PRKCA: variants seen among roughly 807,000 people sequenced by gnomAD.
The protein encoded by PRKCA is protein kinase C alpha.
A neutral mutation model predicts 87.0 loss-of-function variants in PRKCA; 27 were observed. The ratio of observed to expected loss-of-function variants is 0.31; its 90% CI spans 0.23 to 0.43. PRKCA has a LOEUF of 0.43. Among genes scored for constraint, PRKCA ranks in the 20% least tolerant of loss-of-function variants. PRKCA has a pLI of 1.00. For missense variants in PRKCA, 518 were observed against 852.3 expected (o/e 0.61, Z 4.88); for synonymous variants, 329 against 311.1 (o/e 1.06, Z -0.61).
At chr17:66,318,594 C>T (rs894289791) in intron 2 of PRKCA, among the ~76,000 whole-genome samples, 18 of 152,226 alleles carry the variant, frequency 1.2e-4, no homozygotes, top group Non-Finnish European at 2.5e-4. Context: ...GTGGCTCACG[C>T]CTATAATCCC....
chr17:66,499,635 T>C (rs975034712), intron 3 of PRKCA, among the ~76,000 whole-genome samples: 1 of 152,210 alleles, frequency 6.6e-6, no homozygotes, highest in African/African-American at 2.4e-5. Flanking sequence ...AGAAAAGATA[T>C]GCTTGGTGCG....
chr17:66,494,099 C>G lies in PRKCA; in HGVS notation c.206-2102C>G, dbSNP rs117614001. On this transcript the variant is annotated intron_variant, in intron 2 of 16. Coordinates refer to ENST00000413366, the MANE Select transcript of PRKCA (RefSeq NM_002737.3). ...CTGGGCTCCTCTTGGGATTTCAGCT[C>G]TGAGCCATCCTGCCACCCTCTTCCA... Among the ~76,000 whole-genome samples the G allele has an allele frequency of 6.3e-4, 96 of 152,316 alleles. No homozygotes were observed. The East Asian group carries it at 0.012, about 20-fold the overall frequency.
chr17:66,533,239 C>T (rs1400965331), intron 3 of PRKCA, among the ~76,000 whole-genome samples: 2 of 152,154 alleles, frequency 1.3e-5, no homozygotes, highest in African/African-American at 4.8e-5. Flanking sequence ...ACTTTTTTCC[C>T]ATCACGTCTT....
chr17:66,651,611 C>T (rs12452328), intron 5 of PRKCA, among the ~76,000 whole-genome samples: 87,568 of 152,030 alleles, frequency 0.58, 25,295 homozygotes, highest in Admixed American at 0.6. Context: ...AAGGAAAAGG[C>T]ATTAGTTGGA....
chr17:66,427,475 G>A (rs914035900), intron 2 of PRKCA, among the ~76,000 whole-genome samples: 1 of 152,206 alleles, frequency 6.6e-6, no homozygotes, highest in African/African-American at 2.4e-5. Flanking sequence ...TTGCTATCTG[G>A]TCTTTTAGAG....
chr17:66,435,320 C>T (rs1012588085), intron 2 of PRKCA, among the ~76,000 whole-genome samples: 1 of 152,198 alleles, frequency 6.6e-6, no homozygotes, highest in Non-Finnish European at 1.5e-5. Flanking sequence ...TGAGACTTTT[C>T]TTTCCTTGCT....
intron 13 of PRKCA, among the ~76,000 whole-genome samples, chr17:66,755,167 C>T (rs538640068): frequency 2.6e-5 from 4 of 152,170 alleles, no homozygotes; most frequent in Admixed American, 6.5e-5. Context: ...AGACTTGAAA[C>T]GGTGCTGCCT....
chr17:66,750,938 G>A (rs8070561), intron 13 of PRKCA, among the ~76,000 whole-genome samples: 76,758 of 152,008 alleles, frequency 0.5, 20,294 homozygotes, highest in African/African-American at 0.67. Context: ...TGCTACCCAA[G>A]CAACATGTCA....
At chr17:66,603,924 T>C (rs542071556) in intron 3 of PRKCA, among the ~76,000 whole-genome samples, 2 of 152,362 alleles carry the variant, frequency 1.3e-5, no homozygotes, top group East Asian at 3.9e-4. Flanking sequence ...GGTTCATTCA[T>C]GTAGTCACAT....
At chr17:66,729,265 T>A (rs547375104) in intron 8 of PRKCA, among the ~76,000 whole-genome samples, 5 of 152,082 alleles carry the variant, frequency 3.3e-5, no homozygotes, top group Admixed American at 2.6e-4. Context: ...TTAGCTTGGT[T>A]TGGTGGTGTG....
chr17:66,485,568 C>CT (rs902457572), intron 2 of PRKCA, among the ~76,000 whole-genome samples: 4 of 152,184 alleles, frequency 2.6e-5, no homozygotes, highest in Non-Finnish European at 5.9e-5. Context: ...TGGAGCCACA[C>CT]TTTGTTTTGC....
chr17:66,784,407 G>A lies in PRKCA; in HGVS notation c.1606-2460G>A, dbSNP rs184472497. On this transcript the variant is annotated intron_variant, in intron 14 of 16. Transcript: ENST00000413366. ...ACTACAGGCGTGCGCCACCACAGTC[G>A]GCTAATTTTTTGTGTTTTTAGTAGA... Among the ~76,000 whole-genome samples, 8 of 152,202 alleles carry A rather than the reference G, an allele frequency of 5.3e-5. No individual in the cohort carries two copies. In the East Asian group the frequency reaches 1.4e-3, roughly 26 times the overall value.
At chr17:66,751,983 C>T (rs1974440311) in intron 13 of PRKCA, among the ~76,000 whole-genome samples, 1 of 152,238 alleles carries the variant, frequency 6.6e-6, no homozygotes, top group Non-Finnish European at 1.5e-5. Flanking sequence ...TCCCATGAGC[C>T]AGTCACCTCC....
intron 2 of PRKCA, among the ~76,000 whole-genome samples, chr17:66,418,323 T>G (rs1912280642): frequency 6.6e-6 from 1 of 152,284 alleles, no homozygotes; most frequent in Non-Finnish European, 1.5e-5. Flanking sequence ...TTGTTTTTAC[T>G]CCGACTACTG....
chr17:66,595,317 G>A (rs1284871744), intron 3 of PRKCA, among the ~76,000 whole-genome samples: 2 of 152,000 alleles, frequency 1.3e-5, no homozygotes, highest in African/African-American at 2.4e-5. Flanking sequence ...ACAGGTGTGA[G>A]CCACTGCACC....
chr17:66,622,762 G>A (rs1020621818), intron 3 of PRKCA, among the ~76,000 whole-genome samples: 2 of 152,184 alleles, frequency 1.3e-5, no homozygotes, highest in South Asian at 2.1e-4. Flanking sequence ...TTCTTAACAC[G>A]GTGGTGGCAC....
intron 2 of PRKCA, among the ~76,000 whole-genome samples, chr17:66,327,175 G>A (rs1213357357): frequency 6.6e-6 from 1 of 151,906 alleles, no homozygotes; most frequent in African/African-American, 2.4e-5. Context: ...GACCATCCTG[G>A]CTAACATGGT....
chr17:66,576,078 C>T (rs1334466419), intron 3 of PRKCA, among the ~76,000 whole-genome samples: 1 of 152,152 alleles, frequency 6.6e-6, no homozygotes, highest in African/African-American at 2.4e-5. Flanking sequence ...TGTGCCACTG[C>T]ACTCCAGCCT....
At chr17:66,507,346 G>A (rs1347586401) in intron 3 of PRKCA, among the ~76,000 whole-genome samples, 1 of 152,162 alleles carries the variant, frequency 6.6e-6, no homozygotes, top group African/African-American at 2.4e-5. Context: ...ACTAAGCTTT[G>A]AACTGGACCT....
Sources: allele counts gnomAD v4.1 joint callset (sites outside exome capture counted in the v4.1 genomes callset), GRCh38; gene constraint gnomAD v4.1.1; transcripts MANE v1.5; gene names NCBI Gene and HGNC (gene_info 2026-07-23, HGNC 2026-07-21).